Variants in LSAMP observed in about 807,000 individuals in gnomAD.
LSAMP encodes the protein limbic system-associated membrane protein.
A neutral mutation model predicts 38.6 loss-of-function variants in LSAMP; 7 were observed. The observed-to-expected ratio is 0.18, with a 90% CI of 0.10 to 0.34. The LOEUF is 0.34. LSAMP is among the 10% of genes least tolerant of loss of function. LSAMP has a pLI of 1.00. For missense variants in LSAMP, 313 were observed against 420.0 expected (o/e 0.75, Z 2.23); for synonymous variants, 154 against 166.8 (o/e 0.92, Z 0.59).
intron 1 of LSAMP, among the ~76,000 whole-genome samples, chr3:116,191,453 G>GT (rs2107581713): frequency 6.6e-6 from 1 of 152,154 alleles, no homozygotes; most frequent in Admixed American, 6.6e-5. Context: ...TATTGTGTGA[G>GT]TTTTTAGGAC....
chr3:115,972,699 C>A (rs7642705), intron 3 of LSAMP, among the ~76,000 whole-genome samples: 39,913 of 150,696 alleles, frequency 0.26, 6,394 homozygotes, highest in African/African-American at 0.46. Context: ...GATTAGATTA[C>A]TGTGGAAAGC....
At chr3:115,895,134 A>T (rs1369984959) in intron 3 of LSAMP, among the ~76,000 whole-genome samples, 1 of 152,116 alleles carries the variant, frequency 6.6e-6, no homozygotes, top group East Asian at 1.9e-4. Context: ...ATCATCAGGT[A>T]TAAATGCAGG....
chr3:116,376,081 T>C (rs1270954593), intron 1 of LSAMP, among the ~76,000 whole-genome samples: 2 of 152,062 alleles, frequency 1.3e-5, no homozygotes, highest in African/African-American at 2.4e-5. Context: ...AACTTCAAGA[T>C]AATTATTCAG....
chr3:115,832,018 A>G (rs1052366529), intron 6 of LSAMP, among the ~76,000 whole-genome samples: 3 of 152,146 alleles, frequency 2.0e-5, no homozygotes, highest in Non-Finnish European at 4.4e-5. Flanking sequence ...AGGGAAATGC[A>G]TTTGATTTAT....
chr3:116,042,792 G>A (rs1006498924), intron 2 of LSAMP, among the ~76,000 whole-genome samples: 3 of 152,138 alleles, frequency 2.0e-5, no homozygotes, highest in African/African-American at 7.2e-5. Flanking sequence ...CATTCTGCAT[G>A]TATGTGTCTC....
At chr3:116,296,721 A>G (rs1302664287) in intron 1 of LSAMP, among the ~76,000 whole-genome samples, 5 of 147,260 alleles carry the variant, frequency 3.4e-5, no homozygotes, top group Non-Finnish European at 7.5e-5. Flanking sequence ...AAAAAAAAAA[A>G]AAGAAACCCA....
At chr3:115,932,481 G>T (rs1304482785) in intron 3 of LSAMP, among the ~76,000 whole-genome samples, 2 of 152,206 alleles carry the variant, frequency 1.3e-5, no homozygotes, top group African/African-American at 2.4e-5. Flanking sequence ...TGTGTGCAGA[G>T]GTACAGAGGG....
chr3:116,407,362 G>T (rs2048910219), intron 1 of LSAMP, among the ~76,000 whole-genome samples: 1 of 152,034 alleles, frequency 6.6e-6, no homozygotes, highest in African/African-American at 2.4e-5. Flanking sequence ...TTAAATAAAA[G>T]TCAAATTTAA....
chr3:115,969,320 A>G (rs1938934292), intron 3 of LSAMP, among the ~76,000 whole-genome samples: 1 of 152,218 alleles, frequency 6.6e-6, no homozygotes, highest in African/African-American at 2.4e-5. Context: ...TAATTTTACA[A>G]TAATAGTTGG....
chr3:115,998,211 T>A (rs1258919965), intron 3 of LSAMP, among the ~76,000 whole-genome samples: 1 of 151,894 alleles, frequency 6.6e-6, no homozygotes, highest in African/African-American at 2.4e-5. Context: ...CCAAATTATG[T>A]AGGGCCATAA....
intron 1 of LSAMP, among the ~76,000 whole-genome samples, chr3:116,125,729 A>C (rs1364095793): frequency 1.3e-5 from 2 of 152,198 alleles, no homozygotes; most frequent in African/African-American, 4.8e-5. Flanking sequence ...TAGGCTTTAT[A>C]AATTAGGGCA....
intron 1 of LSAMP, among the ~76,000 whole-genome samples, chr3:116,269,851 C>CAAAG (rs1381815686): frequency 6.6e-6 from 1 of 152,008 alleles, no homozygotes; most frequent in Admixed American, 6.6e-5. Flanking sequence ...CAGTTTAAAC[C>CAAAG]AAAGAAACTG....
chr3:115,824,021 A>G (rs1934330754), intron 6 of LSAMP, among the ~76,000 whole-genome samples: 1 of 152,196 alleles, frequency 6.6e-6, no homozygotes, highest in African/African-American at 2.4e-5. Context: ...CAACATAAAG[A>G]GAATGCTTTC....
chr3:116,160,299 T>C (rs954705720), intron 1 of LSAMP, among the ~76,000 whole-genome samples: 5 of 151,770 alleles, frequency 3.3e-5, no homozygotes, highest in Admixed American at 2.6e-4. Context: ...CTTGGGAGGC[T>C]GAGGTAGGAG....
chr3:115,953,404 T>TACACACACACACACAC (rs71616336), intron 3 of LSAMP, among the ~76,000 whole-genome samples: 5,459 of 143,600 alleles, frequency 0.038, 141 homozygotes, highest in East Asian at 0.12. Context: ...GTAGTGTGCG[T>TACACACACACACACAC]ACACACACAC....
chr3:116,317,392 G>C (rs571279085), intron 1 of LSAMP, among the ~76,000 whole-genome samples: 1 of 142,986 alleles, frequency 7.0e-6, no homozygotes, highest in Non-Finnish European at 1.5e-5. Flanking sequence ...GTCTCGCTCT[G>C]TCTCCCAGGC....
chr3:115,851,363 T>A (rs1013659969), intron 4 of LSAMP, among the ~76,000 whole-genome samples: 1 of 152,186 alleles, frequency 6.6e-6, no homozygotes, highest in Non-Finnish European at 1.5e-5. Context: ...GGCTTTAGAA[T>A]CAAATGGACC....
intron 1 of LSAMP, among the ~76,000 whole-genome samples, chr3:116,346,608 TG>T (rs1391615608): frequency 3.3e-5 from 5 of 152,106 alleles, no homozygotes; most frequent in African/African-American, 1.2e-4. Context: ...GAATTACAGG[TG>T]TGAGCCACCA....
At position 115,808,614 on chromosome 3, in the gene LSAMP, A is replaced by C. The variant is rs1933705836; in HGVS notation, c.*1703T>G. The C allele has an allele frequency of 6.6e-6, 1 of 152,260 alleles. No homozygotes were observed. Among genetic ancestry groups the C allele is most frequent in the African/African-American group, 2.4e-5 (1 of 41,476 alleles). 9.4% of individuals were successfully genotyped at this position (152,260 alleles called of 1,614,324 possible). On this transcript the variant is annotated 3_prime_UTR_variant, in exon 7 of 7. Coordinates refer to ENST00000490035, the MANE Select transcript of LSAMP (RefSeq NM_002338.5). ...CTCTTATAGATGTAAATTTAAATAG[A>C]GCAGGGAAGATGAATATCATGCAAT... is the stretch of plus-strand genomic sequence containing the variant.
Sources: allele counts gnomAD v4.1 joint callset (sites outside exome capture counted in the v4.1 genomes callset), GRCh38; gene constraint gnomAD v4.1.1; transcripts MANE v1.5; gene names NCBI Gene and HGNC (gene_info 2026-07-23, HGNC 2026-07-21).